Variants in AGK observed in about 807,000 individuals in gnomAD.
The protein encoded by AGK is acylglycerol kinase, mitochondrial.
Under a neutral mutation model 66.4 loss-of-function variants are expected in AGK, and 52 were observed. That is an observed-to-expected ratio of 0.78 (90% CI 0.63 to 0.99). The LOEUF (loss-of-function observed/expected upper bound fraction) is 0.99, where lower values mean the gene tolerates loss of function less well. Ranked by LOEUF, AGK falls within the 50% of genes least tolerant of loss-of-function variation. AGK has a pLI of 0.00. For missense variants in AGK, 451 were observed against 506.6 expected (o/e 0.89, Z 1.05); for synonymous variants, 182 against 181.1 (o/e 1.00, Z -0.04).
rs564385734 is a variant in AGK at position 141,634,148 on chromosome 7, C to G, written c.668+168C>G. Among the ~76,000 whole-genome samples, 16 of 152,188 alleles carry G rather than the reference C, an allele frequency of 1.1e-4. No individual in the cohort carries two copies. In the East Asian group the frequency reaches 3.1e-3, roughly 29 times the overall value. On this transcript the variant is annotated intron_variant, in intron 10 of 15. Transcript: ENST00000649286. The stretch of plus-strand genomic sequence containing the variant: ...GGAACAATCAGGTAGAGGTTTATGT[C>G]CTATATGCAGAAAGGCTGGGGAAAG...
At chr7:141,603,439 G>T (rs1039226295) in intron 5 of AGK, among the ~76,000 whole-genome samples, 1 of 151,728 alleles carries the variant, frequency 6.6e-6, no homozygotes, top group African/African-American at 2.4e-5. Flanking sequence ...TAGTACTATT[G>T]GTAATTTATA....
intron 13 of AGK, among the ~76,000 whole-genome samples, chr7:141,643,825 T>C (rs1219847302): frequency 6.6e-6 from 1 of 152,120 alleles, no homozygotes; most frequent in Non-Finnish European, 1.5e-5. Flanking sequence ...AATAGTAAGA[T>C]TGAATTGTCA....
chr7:141,582,149 C>A (rs1412646749), intron 2 of AGK, among the ~76,000 whole-genome samples: 3 of 151,892 alleles, frequency 2.0e-5, no homozygotes, highest in African/African-American at 7.3e-5. Flanking sequence ...GTTGGACAGT[C>A]CAATTTCCAG....
In AGK at chr7:141,653,991, T is replaced by G. The variant is rs1797627785; in HGVS notation, c.*1067T>G. 1 of 152,238 alleles carries G rather than the reference T, an allele frequency of 6.6e-6. No homozygotes were observed. Among genetic ancestry groups the G allele is most frequent in the Non-Finnish European group, 1.5e-5 (1 of 68,048 alleles). The allele number at this position is 152,238 out of a possible 1,614,324, so 9.4% of individuals were successfully genotyped here. On this transcript the variant is annotated 3_prime_UTR_variant, in exon 16 of 16. Coordinates refer to ENST00000649286, the MANE Select transcript of AGK (RefSeq NM_018238.4). ...ATAAATGAGCTAGTTCTTTAGTAGTTAAACATTTCAAATTGGCTTTTCTCC... is the reference window on the plus strand; with the variant it reads ...ATAAATGAGCTAGTTCTTTAGTAGTGAAACATTTCAAATTGGCTTTTCTCC...
chr7:141,598,222 G>T lies in AGK; in HGVS notation c.221+1581G>T, dbSNP rs767652405. Among the ~76,000 whole-genome samples, 8 of 152,110 alleles carry T rather than the reference G, an allele frequency of 5.3e-5. No individual in the cohort carries two copies. Among genetic ancestry groups the T allele is most frequent in the Non-Finnish European group, 1.0e-4 (7 of 68,020 alleles). ...TATTCTGCCTAACTGAATCATATCTGCTGGGCTTTGTTAGAGCCGCTTCCC... is the reference window on the plus strand; with the variant it reads ...TATTCTGCCTAACTGAATCATATCTTCTGGGCTTTGTTAGAGCCGCTTCCC... On this transcript the variant is annotated intron_variant, in intron 4 of 15. Transcript: ENST00000649286. The surrounding 1 kb of genome is among the most constrained non-coding windows in gnomAD (Gnocchi z 4.2).
chr7:141,647,655 T>TA (rs1319496366), intron 13 of AGK, among the ~76,000 whole-genome samples: 12 of 151,804 alleles, frequency 7.9e-5, no homozygotes, highest in South Asian at 4.2e-4. Flanking sequence ...GAGTCTGAGT[T>TA]AAAAAAAAAT....
At chr7:141,645,982 C>G (rs1797402266) in intron 13 of AGK, among the ~76,000 whole-genome samples, 1 of 152,062 alleles carries the variant, frequency 6.6e-6, no homozygotes, top group Non-Finnish European at 1.5e-5. Context: ...CAGCATAGGA[C>G]AGTGAGTCCA....
intron 5 of AGK, among the ~76,000 whole-genome samples, chr7:141,610,347 T>C (rs1200430992): frequency 1.3e-5 from 2 of 152,214 alleles, no homozygotes; most frequent in East Asian, 3.8e-4. Context: ...TCTATTAGTA[T>C]GTATAGTGTG....
rs184950795 is a variant in AGK at position 141,611,377 on chromosome 7, A to T, written c.390+90A>T. ...CAATGGTATGTTGTAATTTAAAGAAATTTTTTATTTTAATTCATTATTTTA... is the reference window on the plus strand; with the variant it reads ...CAATGGTATGTTGTAATTTAAAGAATTTTTTTATTTTAATTCATTATTTTA... On this transcript the variant is annotated intron_variant, in intron 6 of 15. Coordinates refer to ENST00000649286, the MANE Select transcript of AGK (RefSeq NM_018238.4). The T allele has an allele frequency of 2.9e-4, 252 of 871,906 alleles. 1 individual carries two copies. In the African/African-American group the frequency reaches 4.0e-3, roughly 14 times the overall value. 54.0% of individuals were successfully genotyped at this position (871,906 alleles called of 1,614,324 possible).
chr7:141,584,169 A>G (rs1795945899), intron 2 of AGK, among the ~76,000 whole-genome samples: 1 of 152,110 alleles, frequency 6.6e-6, no homozygotes, highest in Non-Finnish European at 1.5e-5. Flanking sequence ...GGGTGGGGCC[A>G]TTTTATAAGA....
At chr7:141,599,031 G>A (rs983269555) in intron 4 of AGK, 2 of 152,132 alleles carry the variant, frequency 1.3e-5, no homozygotes, top group Non-Finnish European at 2.9e-5. Context: ...CTGAAGGAAA[G>A]TCTTTTCTAA....
chr7:141,574,008 T>G (rs1156881708), intron 2 of AGK, among the ~76,000 whole-genome samples: 1 of 152,174 alleles, frequency 6.6e-6, no homozygotes, highest in African/African-American at 2.4e-5. Flanking sequence ...ATTATATATA[T>G]TTGTTTATAA....
chr7:141,566,723 T>C (rs1795478997), intron 2 of AGK, among the ~76,000 whole-genome samples: 1 of 152,196 alleles, frequency 6.6e-6, no homozygotes, highest in African/African-American at 2.4e-5. Flanking sequence ...GCCATCCTCC[T>C]GTTCAGCCCC....
At chr7:141,631,916 T>C (rs1214946208) in intron 9 of AGK, among the ~76,000 whole-genome samples, 1 of 152,158 alleles carries the variant, frequency 6.6e-6, no homozygotes, top group East Asian at 1.9e-4. Context: ...ATCATTGATA[T>C]CCTCCATCAC....
At chr7:141,625,914 C>G (rs531645959) in intron 9 of AGK, among the ~76,000 whole-genome samples, 1 of 152,076 alleles carries the variant, frequency 6.6e-6, no homozygotes, top group Non-Finnish European at 1.5e-5. Context: ...TTCCTGCATG[C>G]TAGGTGGGAA....
chr7:141,574,567 G>C (rs1312773520), intron 2 of AGK, among the ~76,000 whole-genome samples: 1 of 152,178 alleles, frequency 6.6e-6, no homozygotes, highest in African/African-American at 2.4e-5. Flanking sequence ...AGAATGAGGG[G>C]ATAAACTGCA....
At chr7:141,579,335 A>T (rs569265018) in intron 2 of AGK, among the ~76,000 whole-genome samples, 22 of 152,194 alleles carry the variant, frequency 1.4e-4, no homozygotes, top group Admixed American at 4.6e-4. Context: ...TTCACTGAAT[A>T]ACAAGAGCCT....
In AGK at chr7:141,570,100, A is replaced by G. The variant is rs77631837; in HGVS notation, c.101+14533A>G. ...CTGGCACATATTAAAAATAGTACCT[A>G]TTTTAGGCCAGGCGCAGTGGCTCAC... On this transcript the variant is annotated intron_variant, in intron 2 of 15. Coordinates refer to ENST00000649286, the MANE Select transcript of AGK (RefSeq NM_018238.4). 1.2e-4 allele frequency among the ~76,000 whole-genome samples: 19 copies of G among 152,268 alleles called. No homozygotes were observed. In the East Asian group the frequency reaches 2.9e-3, roughly 23 times the overall value.
intron 2 of AGK, among the ~76,000 whole-genome samples, chr7:141,570,331 G>T (rs1795572886): frequency 6.6e-6 from 1 of 152,114 alleles, no homozygotes; most frequent in Non-Finnish European, 1.5e-5. Flanking sequence ...AGGTTGCAGT[G>T]AGCCGAGATC....
Sources: allele counts gnomAD v4.1 joint callset (sites outside exome capture counted in the v4.1 genomes callset), GRCh38; gene constraint gnomAD v4.1.1; non-coding constraint Gnocchi (gnomAD v3.1); transcripts MANE v1.5; gene names NCBI Gene and HGNC (gene_info 2026-07-23, HGNC 2026-07-21).